Variants in KPNB1 observed in about 807,000 individuals in gnomAD.
KPNB1 encodes importin subunit beta-1.
A neutral mutation model predicts 113.0 loss-of-function variants in KPNB1; 7 were observed. The ratio of observed to expected loss-of-function variants is 0.06; its 90% confidence interval spans 0.04 to 0.12. The LOEUF (loss-of-function observed/expected upper bound fraction) is 0.12, where lower values mean the gene tolerates loss of function less well. Among genes scored for constraint, KPNB1 ranks in the 10% least tolerant of loss-of-function variants. KPNB1 has a pLI of 1.00. For synonymous variants in KPNB1, 363 were observed against 378.6 expected, an observed-to-expected ratio of 0.96 and a Z score of 0.48; for missense variants, 400 against 1,054.8, an observed-to-expected ratio of 0.38 and a Z score of 8.60.
Position 47,658,672 on chromosome 17 carries a change from G to T in KPNB1, c.636+12G>T. ...ACTTTGATAAAGAGGTAAGTTTTTT[G>T]ACAATAAGGTATAGATTCAGACAGT... On this transcript the variant is annotated intron_variant, in intron 5 of 21. Coordinates refer to ENST00000290158, the MANE Select transcript of KPNB1 (RefSeq NM_002265.6). 6.2e-7 allele frequency: 1 copy of T among 1,610,098 alleles called. No individual in the cohort carries two copies. Among genetic ancestry groups the T allele is most frequent in the South Asian group, 1.1e-5 (1 of 90,820 alleles).
intron 12 of KPNB1, 29 bp from the exon 13 acceptor site, chr17:47,672,989 C>CT (rs2030495997): frequency 2.5e-6 from 4 of 1,593,354 alleles, no homozygotes; most frequent in Non-Finnish European, 3.4e-6. Flanking sequence ...TCATTTGAGG[C>CT]TTTAAGATTT....
intron 12 of KPNB1, among the ~76,000 whole-genome samples, chr17:47,671,343 T>G (rs1270834825): frequency 1.3e-5 from 2 of 152,196 alleles, no homozygotes; most frequent in African/African-American, 4.8e-5. Flanking sequence ...AATTGTTCAG[T>G]TTACAGCTGA....
chr17:47,674,880 G>T (rs1360346071), intron 15 of KPNB1, 98 bp downstream of exon 15: 2 of 1,262,874 alleles, frequency 1.6e-6, no homozygotes. Flanking sequence ...GCAGTGGCAC[G>T]ATCTTGGCGC....
intron 3 of KPNB1, 101 bp downstream of exon 3, chr17:47,652,977 G>A: frequency 2.5e-6 from 2 of 810,148 alleles, no homozygotes; most frequent in Non-Finnish European, 1.8e-6. Context: ...CAGTGTGATA[G>A]GTTTCTGGGA....
chr17:47,659,760 A>T lies in KPNB1; in HGVS notation c.636+1100A>T, dbSNP rs2030033767. 2.0e-5 allele frequency among the ~76,000 whole-genome samples: 3 copies of T among 152,156 alleles called. No homozygotes were observed. In the South Asian group the frequency reaches 6.2e-4, roughly 31 times the overall value. On this transcript the variant is annotated intron_variant, in intron 5 of 21. Coordinates refer to ENST00000290158, the MANE Select transcript of KPNB1 (RefSeq NM_002265.6). The stretch of plus-strand genomic sequence containing the variant: ...GGTGTTTTTAAGAAACAGGATATAT[A>T]GCCAGGTGCTTTGGCACATGCCTGT...
chr17:47,680,430 G>A (rs754035183), intron 20 of KPNB1, 78 bp from the exon 21 acceptor site: 173 of 1,499,024 alleles, frequency 1.2e-4, no homozygotes, highest in Non-Finnish European at 1.5e-4. Flanking sequence ...GAAACCCATA[G>A]CACTGGTTTG....
chr17:47,685,447 A>G lies in KPNB1; in HGVS notation c.*3043A>G, dbSNP rs189793837. ...ACACTTGAGCCCAACTCGATTAACCAAAACCGATAACCACCACCTTTATCT... is the reference window on the plus strand; with the variant it reads ...ACACTTGAGCCCAACTCGATTAACCGAAACCGATAACCACCACCTTTATCT... On this transcript the variant is annotated 3_prime_UTR_variant, in exon 22 of 22. Transcript: ENST00000290158. 1.2e-3 allele frequency: 189 copies of G among 152,160 alleles called. 1 individual carries two copies. The highest frequency in any genetic ancestry group is 4.1e-3 in the African/African-American group (169 of 41,514). The allele number at this position is 152,160 out of a possible 1,614,324, so 9.4% of individuals were successfully genotyped here.
intron 7 of KPNB1, among the ~76,000 whole-genome samples, chr17:47,663,810 C>T (rs949956953): frequency 1.3e-5 from 2 of 151,832 alleles, no homozygotes; most frequent in African/African-American, 4.9e-5. Context: ...TATGGTGAAA[C>T]CCCGCCTCTA....
rs182182881 is a variant in KPNB1, at chr17:47,655,083, C to T, written c.283-1777C>T. On this transcript the variant is annotated intron_variant, in intron 3 of 21. Transcript: ENST00000290158. Reference sequence around the variant, plus strand: ...TTGGTGCTAGCTGCAAAGCAGGATACTAAGTGATCCGACCCAGTCAGCAGA... The same window carrying T: ...TTGGTGCTAGCTGCAAAGCAGGATATTAAGTGATCCGACCCAGTCAGCAGA... 2.5e-3 allele frequency among the ~76,000 whole-genome samples: 377 copies of T among 152,324 alleles called. 3 individuals are homozygous for T. Among genetic ancestry groups the T allele is most frequent in the African/African-American group, 8.7e-3 (363 of 41,572 alleles).
At chr17:47,670,868 G>T in intron 12 of KPNB1, 36 bp downstream of exon 12, 1 of 1,573,578 alleles carries the variant, frequency 6.4e-7, no homozygotes. Context: ...TGACGTCTTT[G>T]CATCCAAGTT....
intron 6 of KPNB1, 96 bp from the exon 7 acceptor site, chr17:47,662,993 A>G (rs765202201): frequency 5.0e-5 from 36 of 719,000 alleles, no homozygotes; most frequent in Admixed American, 2.3e-4. Flanking sequence ...ATTTACCTCA[A>G]TTAATCCTTA....
chr17:47,666,295 C>G (rs1329505729), intron 9 of KPNB1, among the ~76,000 whole-genome samples: 2 of 150,846 alleles, frequency 1.3e-5, no homozygotes, highest in African/African-American at 2.4e-5. Context: ...TCAAGTGATC[C>G]GCCCGCCTCA....
At chr17:47,655,876 G>C (rs572111307) in intron 3 of KPNB1, among the ~76,000 whole-genome samples, 1 of 152,140 alleles carries the variant, frequency 6.6e-6, no homozygotes, top group African/African-American at 2.4e-5. Context: ...TTGTTTCTAG[G>C]TTCTAGGGCA....
At chr17:47,672,819 A>C (rs2030488806) in intron 12 of KPNB1, among the ~76,000 whole-genome samples, 199 bp from the exon 13 acceptor site, 1 of 152,216 alleles carries the variant, frequency 6.6e-6, no homozygotes, top group South Asian at 2.1e-4. Context: ...TCTAAATTTT[A>C]ACTGTCTGGA....
intron 11 of KPNB1, 79 bp downstream of exon 11, chr17:47,669,948 C>A: frequency 9.8e-7 from 1 of 1,020,802 alleles, no homozygotes; most frequent in South Asian, 1.4e-5. Context: ...GGAGAGAAAT[C>A]AATCTGCCTC....
chr17:47,674,598 T>A (rs2030541397), intron 14 of KPNB1, 40 bp from the exon 15 acceptor site: 1 of 1,587,940 alleles, frequency 6.3e-7, no homozygotes, highest in Non-Finnish European at 8.6e-7. Context: ...GATTGGGAGA[T>A]TTGGAATCAA....
At position 47,650,007 on chromosome 17, in the gene KPNB1, C is replaced by T. The variant is rs1297335742; in HGVS notation, c.-238C>T. On this transcript the variant is annotated 5_prime_UTR_variant, in exon 1 of 22. Coordinates refer to ENST00000290158, the MANE Select transcript of KPNB1 (RefSeq NM_002265.6). ...GCACCAGCGCGCTCTGAGCTGCCCC[C>T]AGGGTCCCTCCCCCGCCGCCAGCAG... is the stretch of plus-strand genomic sequence containing the variant. The T allele has an allele frequency of 2.2e-6, 3 of 1,368,298 alleles. No homozygotes were observed. Among genetic ancestry groups the T allele is most frequent in the South Asian group, 3.6e-5 (2 of 55,538 alleles). The allele number at this position is 1,368,298 out of a possible 1,614,324, so 84.8% of individuals were successfully genotyped here. A position where few individuals can be genotyped will look rare whatever the true frequency, so the allele number is the denominator to read the frequency against.
At chr17:47,673,240 C>G in intron 13 of KPNB1, 75 bp downstream of exon 13, 1 of 1,377,826 alleles carries the variant, frequency 7.3e-7, no homozygotes, top group Non-Finnish European at 1.0e-6. Flanking sequence ...GTTTTCCAGA[C>G]TGTTCTGTCT....
Position 47,650,199 on chromosome 17 carries a change from C to T in KPNB1, c.-46C>T. The T allele has an allele frequency of 2.0e-6, 3 of 1,515,494 alleles. No homozygotes were observed. Among genetic ancestry groups the T allele is most frequent in the Non-Finnish European group, 2.6e-6 (3 of 1,137,682 alleles). The allele number at this position is 1,515,494 out of a possible 1,614,324, so 93.9% of individuals were successfully genotyped here. A position where few individuals can be genotyped will look rare whatever the true frequency, so the allele number is the denominator to read the frequency against. ...CCAGTTCGAGCCGCCGCCCGAAAGGCCGGGCCGTCGTCTTAGGAGGAGTCG... is the reference window on the plus strand; with the variant it reads ...CCAGTTCGAGCCGCCGCCCGAAAGGTCGGGCCGTCGTCTTAGGAGGAGTCG... On this transcript the variant is annotated 5_prime_UTR_variant, in exon 1 of 22. Transcript: ENST00000290158.
Sources: gnomAD v4.1 joint callset for allele counts (sites outside exome capture counted in the v4.1 genomes callset) on GRCh38, gnomAD v4.1.1 for gene constraint, MANE v1.5 for transcripts, NCBI Gene and HGNC (gene_info 2026-07-23, HGNC 2026-07-21) for gene names.